Variants in YWHAH observed in about 807,000 individuals in gnomAD.
The protein encoded by YWHAH is 14-3-3 protein eta.
Under a neutral mutation model 22.9 loss-of-function variants are expected in YWHAH, and 6 were observed. The ratio of observed to expected loss-of-function variants is 0.26; its 90% CI spans 0.14 to 0.52. The LOEUF (loss-of-function observed/expected upper bound fraction) is 0.52, where lower values mean the gene tolerates loss of function less well. YWHAH is among the 20% of genes least tolerant of loss of function. The probability of loss-of-function intolerance (pLI) is 0.97; values close to 1 mark genes in which losing one functional copy is unlikely to be tolerated. For missense variants in YWHAH, 173 were observed against 308.6 expected (o/e 0.56, Z 3.29); for synonymous variants, 135 against 124.5 (o/e 1.08, Z -0.56).
rs1026837934 is a variant in YWHAH at position 31,956,306 on chromosome 22, C to T, written c.255C>T (p.Tyr85=). 1.2e-6 allele frequency: 2 copies of T among 1,613,980 alleles called. No homozygotes were observed. Among genetic ancestry groups the T allele is most frequent in the African/African-American group, 2.7e-5 (2 of 74,862 alleles). The change falls in exon 2 of 2, where the codon TAC becomes TAT. Residue 85 remains tyrosine, a synonymous_variant. Coordinates refer to ENST00000248975, the MANE Select transcript of YWHAH (RefSeq NM_003405.4). This position sits in a 1 kb window ranked among gnomAD's most constrained non-coding sequence, Gnocchi z 5.1. The part of the protein sequence containing the change: ...NEKKLEKVKA[Y]REKIEKELET... Reference sequence around the variant, plus strand: ...AGAAATTGGAGAAAGTTAAAGCTTACCGGGAGAAGATTGAGAAGGAGCTGG... The same window carrying T: ...AGAAATTGGAGAAAGTTAAAGCTTATCGGGAGAAGATTGAGAAGGAGCTGG...
intron 1 of YWHAH, among the ~76,000 whole-genome samples, chr22:31,951,104 G>A (rs920741679): frequency 5.3e-5 from 8 of 152,014 alleles, no homozygotes; most frequent in Non-Finnish European, 1.0e-4. Flanking sequence ...TATTGACTGG[G>A]TTGGTGTCGT....
rs563579906 is a variant in YWHAH at position 31,945,067 on chromosome 22, G to T, written c.87+247G>T. On this transcript the variant is annotated intron_variant, in intron 1 of 1. Coordinates refer to ENST00000248975, the MANE Select transcript of YWHAH (RefSeq NM_003405.4). ...GGGATCGCGAAGGCAGCCCCGGAAGGGGGGCGGGCCGGTCGGGGTCGCCAC... is the reference window on the plus strand; with the variant it reads ...GGGATCGCGAAGGCAGCCCCGGAAGTGGGGCGGGCCGGTCGGGGTCGCCAC... The T allele has an allele frequency of 9.0e-6, 10 of 1,105,552 alleles. No individual in the cohort carries two copies. The South Asian group carries it at 1.9e-4, about 21-fold the overall frequency. The allele number at this position is 1,105,552 out of a possible 1,614,324, so 68.5% of individuals were successfully genotyped here.
chr22:31,948,976 T>G (rs1433611615), intron 1 of YWHAH, among the ~76,000 whole-genome samples: 1 of 152,144 alleles, frequency 6.6e-6, no homozygotes, highest in Non-Finnish European at 1.5e-5. Context: ...AAATGTATTT[T>G]CTTTGGTGGG....
chr22:31,952,152 T>A lies in YWHAH; in HGVS notation c.88-3987T>A, dbSNP rs557131446. ...AAAATTCTGTCTTGTTGTTGCTTCA[T>A]GTTCCTGATTTGTGGAGATGCAGCA... On this transcript the variant is annotated intron_variant, in intron 1 of 1. Coordinates refer to ENST00000248975, the MANE Select transcript of YWHAH (RefSeq NM_003405.4). Among the ~76,000 whole-genome samples the A allele has an allele frequency of 3.9e-5, 6 of 152,256 alleles. No individual in the cohort carries two copies. In the South Asian group the frequency reaches 1.2e-3, roughly 31 times the overall value.
chr22:31,949,325 G>C (rs1351370428), intron 1 of YWHAH, among the ~76,000 whole-genome samples: 1 of 151,562 alleles, frequency 6.6e-6, no homozygotes, highest in Admixed American at 6.6e-5. Context: ...TGTATTTTTA[G>C]TAGAGATGGG....
intron 1 of YWHAH, among the ~76,000 whole-genome samples, chr22:31,949,205 T>A (rs1259324240): frequency 1.4e-5 from 2 of 138,706 alleles, no homozygotes; most frequent in East Asian, 4.6e-4. Context: ...AATGGAGCAA[T>A]CTCGGCTCTC....
chr22:31,945,379 C>A, intron 1 of YWHAH: 1 of 1,287,020 alleles, frequency 7.8e-7, no homozygotes, highest in Non-Finnish European at 1.0e-6. Flanking sequence ...AGACCCCTTT[C>A]CTGCAGTCTA....
At chr22:31,955,912 T>C (rs1275531321) in intron 1 of YWHAH, among the ~76,000 whole-genome samples, 2 of 152,224 alleles carry the variant, frequency 1.3e-5, no homozygotes, top group Non-Finnish European at 2.9e-5. Context: ...CCTATGATTT[T>C]CTGTTTTGGG....
intron 1 of YWHAH, among the ~76,000 whole-genome samples, chr22:31,952,416 A>C (rs2093844556): frequency 6.6e-6 from 1 of 152,172 alleles, no homozygotes; most frequent in Non-Finnish European, 1.5e-5. Context: ...CTGATTTTAC[A>C]TGGGTCTATA....
intron 1 of YWHAH, chr22:31,950,377 C>T: frequency 1.3e-6 from 1 of 779,488 alleles, no homozygotes; most frequent in Non-Finnish European, 2.4e-6. Context: ...TTTTGGTGCT[C>T]CTCCCGCCCC....
chr22:31,953,018 T>C (rs1386505791), intron 1 of YWHAH, among the ~76,000 whole-genome samples: 1 of 152,260 alleles, frequency 6.6e-6, no homozygotes, highest in East Asian at 1.9e-4. Flanking sequence ...TTAATAATTA[T>C]ACCGCCTTTT....
chr22:31,945,474 A>G (rs1335599221), intron 1 of YWHAH: 70 of 1,303,884 alleles, frequency 5.4e-5, no homozygotes, highest in Non-Finnish European at 7.1e-5. Context: ...GTCTGCTTGG[A>G]GATTAAAATG....
At chr22:31,945,075 G>T in intron 1 of YWHAH, 3 of 1,098,264 alleles carry the variant, frequency 2.7e-6, no homozygotes, top group Non-Finnish European at 2.2e-6. Context: ...AGGGGGGCGG[G>T]CCGGTCGGGG....
chr22:31,949,204 A>G (rs2093839510), intron 1 of YWHAH, among the ~76,000 whole-genome samples: 2 of 143,238 alleles, frequency 1.4e-5, no homozygotes, highest in South Asian at 4.3e-4. Flanking sequence ...CAATGGAGCA[A>G]TCTCGGCTCT....
intron 1 of YWHAH, chr22:31,945,412 T>A: frequency 7.7e-7 from 1 of 1,298,172 alleles, no homozygotes; most frequent in South Asian, 1.2e-5. Flanking sequence ...GGCGGGAGAG[T>A]GGGCGGAGGG....
intron 1 of YWHAH, among the ~76,000 whole-genome samples, chr22:31,945,902 C>T (rs184271628): frequency 1.9e-3 from 288 of 152,178 alleles, no homozygotes; most frequent in Non-Finnish European, 2.9e-3. Context: ...GAATTACTGC[C>T]CATGATTATA....
chr22:31,956,402 T>A lies in YWHAH; in HGVS notation c.351T>A (p.Tyr117Ter), dbSNP rs1272717705. The change falls in exon 2 of 2, where the codon TAT (tyrosine) becomes TAA (stop). Residue 117 changes from tyrosine to a stop codon, truncating the protein, a stop_gained. Transcript: ENST00000248975. LOFTEE classifies it high-confidence loss of function. The surrounding 1 kb of genome is among the most constrained non-coding windows in gnomAD (Gnocchi z 5.1). ...FLIKNCNDFQ[Y>*]ESKVFYLKMK... ...TCAAGAACTGCAATGATTTCCAGTA[T>A]GAGAGCAAGGTGTTTTACCTGAAAA... is the stretch of plus-strand genomic sequence containing the variant. The A allele has an allele frequency of 1.2e-6, 2 of 1,614,170 alleles. No homozygotes were observed. The highest frequency in any genetic ancestry group is 1.7e-6 in the Non-Finnish European group (2 of 1,180,032).
chr22:31,945,697 T>A (rs1284156328), intron 1 of YWHAH: 7 of 1,241,722 alleles, frequency 5.6e-6, no homozygotes, highest in Non-Finnish European at 7.3e-6. Context: ...ATATTTCCTC[T>A]CCCTGCGTCA....
chr22:31,948,733 G>A (rs776108075), intron 1 of YWHAH, among the ~76,000 whole-genome samples: 1 of 152,180 alleles, frequency 6.6e-6, no homozygotes, highest in Non-Finnish European at 1.5e-5. Context: ...AAACTAGGGA[G>A]CTATGTTTCC....
Sources: allele counts gnomAD v4.1 joint callset (sites outside exome capture counted in the v4.1 genomes callset), GRCh38; gene constraint gnomAD v4.1.1; non-coding constraint Gnocchi (gnomAD v3.1); transcripts MANE v1.5; gene names NCBI Gene and HGNC (gene_info 2026-07-23, HGNC 2026-07-21).